Variants in DUSP15 observed in about 807,000 individuals in gnomAD.
DUSP15 encodes the protein dual specificity phosphatase 15.
DUSP15 carries 23 observed loss-of-function variants against 26.3 expected under a neutral mutation model. That is an observed-to-expected ratio of 0.87 (90% confidence interval 0.63 to 1.24). The LOEUF (loss-of-function observed/expected upper bound fraction) is 1.24, where lower values mean the gene tolerates loss of function less well. DUSP15 is among the 50% of genes most tolerant of loss of function. The probability of loss-of-function intolerance (pLI) is 0.00; values close to 1 mark genes in which losing one functional copy is unlikely to be tolerated. For missense variants in DUSP15, 364 were observed against 320.6 expected, an observed-to-expected ratio of 1.14 and a Z score of -1.03; for synonymous variants, 143 against 135.5, an observed-to-expected ratio of 1.06 and a Z score of -0.39.
At chr20:31,869,136 A>G (rs2062847210) in intron 2 of DUSP15, among the ~76,000 whole-genome samples, 1 of 152,230 alleles carries the variant, frequency 6.6e-6, no homozygotes, top group African/African-American at 2.4e-5. Context: ...CGCTAGAAGC[A>G]GCACCCGCAA....
intron 6 of DUSP15, chr20:31,850,720 C>T (rs1272174317): frequency 5.7e-6 from 9 of 1,586,932 alleles, no homozygotes; most frequent in South Asian, 2.3e-5. Context: ...TCACCCTGAC[C>T]CCAGACCCAT....
At chr20:31,869,128 C>A (rs2062847132) in intron 2 of DUSP15, among the ~76,000 whole-genome samples, 1 of 152,304 alleles carries the variant, frequency 6.6e-6, no homozygotes, top group Admixed American at 6.5e-5. Context: ...AGCTTCCCCG[C>A]TAGAAGCAGC....
intron 2 of DUSP15, 149 bp downstream of exon 2, chr20:31,869,415 C>T: frequency 9.3e-7 from 1 of 1,070,984 alleles, no homozygotes; most frequent in Non-Finnish European, 1.4e-6. Flanking sequence ...ACCCCTTGTC[C>T]TCCATCAGCC....
chr20:31,866,646 C>A (rs2062772343), intron 3 of DUSP15, among the ~76,000 whole-genome samples: 1 of 152,206 alleles, frequency 6.6e-6, no homozygotes, highest in South Asian at 2.1e-4. Context: ...ATCCTCACAG[C>A]AGCCTTCTGG....
chr20:31,858,983 G>A (rs993827618), downstream of DUSP15, among the ~76,000 whole-genome samples: 4 of 152,190 alleles, frequency 2.6e-5, no homozygotes, highest in African/African-American at 9.7e-5. The surrounding 1 kb of genome is among the most constrained non-coding windows in gnomAD (Gnocchi z 4.4). Flanking sequence ...CTTACCGACT[G>A]CTCATCAGTG....
At chr20:31,867,274 G>A (rs2062789086) in intron 2 of DUSP15, 121 bp from the exon 3 acceptor site, 7 of 785,170 alleles carry the variant, frequency 8.9e-6, no homozygotes, top group South Asian at 6.5e-5. Context: ...CTTGGCCCAC[G>A]CTCTGCCGGC....
chr20:31,846,842 G>A (rs898473389), downstream of DUSP15, among the ~76,000 whole-genome samples: 2 of 152,164 alleles, frequency 1.3e-5, no homozygotes, highest in Non-Finnish European at 2.9e-5. Context: ...ACATGGAGCT[G>A]GTGACTCCTC....
At chr20:31,851,433 G>C (rs909613048) in intron 6 of DUSP15, among the ~76,000 whole-genome samples, 1 of 152,072 alleles carries the variant, frequency 6.6e-6, no homozygotes, top group Non-Finnish European at 1.5e-5. Flanking sequence ...GACCCGATGG[G>C]GTGCATGGGG....
At chr20:31,850,665 A>C in exon 7 of DUSP15, 1 of 1,611,690 alleles carries the variant, frequency 6.2e-7, no homozygotes, top group Non-Finnish European at 8.5e-7. Flanking sequence ...TTGAGGTCCT[A>C]TGTCTGGCAC....
At chr20:31,850,090 T>C (rs1354100028) in intron 7 of DUSP15, among the ~76,000 whole-genome samples, 3 of 152,372 alleles carry the variant, frequency 2.0e-5, no homozygotes, top group Non-Finnish European at 1.5e-5. Flanking sequence ...AGTCGAGCTC[T>C]GCGGTTAAAA....
At position 31,848,553 on chromosome 20, in the gene DUSP15, G is replaced by GCTGCAC; in HGVS notation, c.733_738dup (p.Val245_Gln246dup). 2.9e-4 allele frequency: 453 copies of GCTGCAC among 1,576,136 alleles called. 6 individuals carry two copies. In the East Asian group the frequency reaches 8.8e-3, roughly 31 times the overall value. On this transcript the variant is annotated inframe_insertion, in exon 10 of 10. Coordinates refer to the DUSP15 transcript ENST00000278979. ...GTGCAGGACGAGCTCCCAGGCCGAA[G>GCTGCAC]CTGCACCTGCACCTGCGGGGGCGGG...
rs752789690 is a variant in DUSP15, at chr20:31,862,725, C to A, written c.281G>T (p.Arg94Leu). 6.2e-7 allele frequency: 1 copy of A among 1,607,478 alleles called. No individual in the cohort carries two copies. Among genetic ancestry groups the A allele is most frequent in the African/African-American group, 1.3e-5 (1 of 74,924 alleles). The change falls in exon 6 of 7, where the codon CGC (arginine) becomes CTC (leucine). Residue 94 changes from arginine to leucine, a missense_variant. By Grantham distance (102) the Arg-to-Leu change is moderately radical. Transcript: ENST00000339738. ...CLVHCFAGIS[R>L]STTIVTAYVM... ...ATACGCTGTCACAATCGTGGTGCTG[C>A]GAGAGATGCCTGCAAAGCTGGGATC...
chr20:31,846,198 A>G (rs1214134479), downstream of DUSP15, among the ~76,000 whole-genome samples: 1 of 151,588 alleles, frequency 6.6e-6, no homozygotes, highest in Non-Finnish European at 1.5e-5. Context: ...AGACAGACAC[A>G]CACAGACACA....
At chr20:31,869,673 A>G in intron 1 of DUSP15, 76 bp from the exon 2 acceptor site, 1 of 1,576,462 alleles carries the variant, frequency 6.3e-7, no homozygotes, top group Non-Finnish European at 8.6e-7. Context: ...TGGGGGGCCC[A>G]CAGCCCCTCT....
chr20:31,867,759 C>A (rs1302579015), intron 2 of DUSP15, among the ~76,000 whole-genome samples: 1 of 151,366 alleles, frequency 6.6e-6, no homozygotes, highest in East Asian at 2.0e-4. Context: ...ATTCTCCTGC[C>A]TCAGCCTCCG....
rs1160375083 is a variant in DUSP15, at chr20:31,861,313, C to T, written c.*90G>A. ...TCAGGCCGCCGCGGGGCTCCCCCAG[C>T]CTCTGGGCCCGTCCTGGGGGGCGTG... is the stretch of plus-strand genomic sequence containing the variant. On this transcript the variant is annotated 3_prime_UTR_variant, in exon 7 of 7. Coordinates refer to ENST00000339738, the MANE Select transcript of DUSP15 (RefSeq NM_080611.5). 15 of 1,380,068 alleles carry T rather than the reference C, an allele frequency of 1.1e-5. No homozygotes were observed. The highest frequency in any genetic ancestry group is 1.5e-5 in the African/African-American group (1 of 65,540). The allele number at this position is 1,380,068 out of a possible 1,614,324, so 85.5% of individuals were successfully genotyped here.
At chr20:31,863,749 G>T (rs2062709028) in intron 5 of DUSP15, 158 bp downstream of exon 5, 1 of 664,010 alleles carries the variant, frequency 1.5e-6, no homozygotes, top group South Asian at 1.9e-5. Context: ...TAGAGTCCCG[G>T]GTTGGCCTCT....
intron 8 of DUSP15, among the ~76,000 whole-genome samples, chr20:31,849,196 G>A (rs1045395227): frequency 2.6e-5 from 4 of 151,892 alleles, no homozygotes; most frequent in African/African-American, 9.7e-5. Flanking sequence ...CGTGCTTGGT[G>A]CACCTCACAT....
At chr20:31,861,050 T>C (rs2062637012), downstream of DUSP15, 2 of 1,089,380 alleles carry the variant, frequency 1.8e-6, no homozygotes, top group African/African-American at 1.6e-5. Context: ...CTTTGTTGAA[T>C]GACTGGGAGG....
Sources: gnomAD v4.1 joint callset for allele counts (sites outside exome capture counted in the v4.1 genomes callset) on GRCh38, gnomAD v4.1.1 for gene constraint, Gnocchi (gnomAD v3.1) non-coding constraint, MANE v1.5 for transcripts, NCBI Gene and HGNC (gene_info 2026-07-23, HGNC 2026-07-21) for gene names.